The following LRRC7 variants were observed in gnomAD, a reference collection of about 807,000 sequenced individuals.
LRRC7 encodes leucine-rich repeat-containing protein 7.
A neutral mutation model predicts 175.7 loss-of-function variants in LRRC7; 23 were observed. That is an observed-to-expected ratio of 0.13 (90% CI 0.09 to 0.19). The LOEUF is 0.19. Among genes scored for constraint, LRRC7 ranks in the 10% least tolerant of loss-of-function variants. The pLI, the probability that LRRC7 is intolerant of heterozygous loss-of-function variation, is 1.00. For missense variants in LRRC7, 1,354 were observed against 1,904.7 expected (o/e 0.71, Z 5.38); for synonymous variants, 685 against 680.9 (o/e 1.01, Z -0.09).
Position 69,910,533 on chromosome 1 carries a change from A to C in LRRC7, c.648-20974A>C, listed in dbSNP as rs115875906. 4.8e-3 allele frequency among the ~76,000 whole-genome samples: 731 copies of C among 152,264 alleles called. 10 individuals carry two copies. Among genetic ancestry groups the C allele is most frequent in the African/African-American group, 0.016 (676 of 41,556 alleles). On this transcript the variant is annotated intron_variant, in intron 7 of 26. Coordinates refer to ENST00000651989, the MANE Select transcript of LRRC7 (RefSeq NM_001370785.2). ...GAACAGCAGACCTTGGTGAACCACA[A>C]ATTCTGCTGCCTGATTGTTCCTCTG...
chr1:69,616,642 A>G (rs1245311190), intron 1 of LRRC7, among the ~76,000 whole-genome samples: 1 of 152,114 alleles, frequency 6.6e-6, no homozygotes, highest in Non-Finnish European at 1.5e-5. Flanking sequence ...GACTACTATT[A>G]GAAAATAAGT....
intron 11 of LRRC7, among the ~76,000 whole-genome samples, chr1:70,010,231 A>C (rs188848352): frequency 6.6e-6 from 1 of 152,332 alleles, no homozygotes; most frequent in East Asian, 1.9e-4. Flanking sequence ...TTAAATAAAT[A>C]ATGGAAGCAA....
chr1:69,996,217 G>A (rs972017271), intron 11 of LRRC7, among the ~76,000 whole-genome samples: 3 of 152,034 alleles, frequency 2.0e-5, no homozygotes, highest in African/African-American at 7.3e-5. Context: ...AGAAGTGTCT[G>A]TTCATGTCCT....
intron 3 of LRRC7, among the ~76,000 whole-genome samples, chr1:69,786,643 G>A (rs1196058116): frequency 6.6e-6 from 1 of 152,118 alleles, no homozygotes; most frequent in Non-Finnish European, 1.5e-5. Flanking sequence ...TGGCAGACAA[G>A]AGAAGAGCTT....
chr1:69,750,696 CTTA>C (rs981854215), intron 2 of LRRC7, among the ~76,000 whole-genome samples: 2 of 152,182 alleles, frequency 1.3e-5, no homozygotes, highest in Non-Finnish European at 2.9e-5. Flanking sequence ...AAGATGATGT[CTTA>C]TTGCTGCATC....
Position 70,143,449 on chromosome 1 carries a change from A to C in LRRC7, c.*21562A>C, listed in dbSNP as rs1667163590. On this transcript the variant is annotated 3_prime_UTR_variant, in exon 27 of 27. Transcript: ENST00000651989. ...TTTTAATGTGCAATAGTAAACATTG[A>C]CATTTTACATAGACATATTGTATAT... 6.6e-6 allele frequency: 1 copy of C among 152,280 alleles called. No individual in the cohort carries two copies. The highest frequency in any genetic ancestry group is 2.4e-5 in the African/African-American group (1 of 41,570). 9.4% of individuals were successfully genotyped at this position (152,280 alleles called of 1,614,324 possible).
At chr1:69,613,198 G>A (rs1649074480) in intron 1 of LRRC7, among the ~76,000 whole-genome samples, 1 of 152,072 alleles carries the variant, frequency 6.6e-6, no homozygotes, top group Non-Finnish European at 1.5e-5. Context: ...AGCAGATCCT[G>A]TGTCTAGTGA....
intron 26 of LRRC7, 59 bp downstream of exon 26, chr1:70,107,885 T>G (rs1571343702): frequency 7.6e-7 from 1 of 1,313,986 alleles, no homozygotes; most frequent in Non-Finnish European, 1.1e-6. Flanking sequence ...TGTAACCATG[T>G]TACCAAGTTA....
intron 7 of LRRC7, among the ~76,000 whole-genome samples, chr1:69,853,750 G>A (rs766922103): frequency 5.9e-5 from 9 of 152,140 alleles, no homozygotes; most frequent in Non-Finnish European, 1.2e-4. Context: ...AGCTGATTTA[G>A]GGAAGCAGAC....
At chr1:69,644,763 C>T (rs1477822859) in intron 1 of LRRC7, among the ~76,000 whole-genome samples, 1 of 151,814 alleles carries the variant, frequency 6.6e-6, no homozygotes, top group Non-Finnish European at 1.5e-5. Flanking sequence ...CAAATTTAAT[C>T]TACCAATATA....
chr1:70,134,633 A>C lies in LRRC7; in HGVS notation c.*12746A>C, dbSNP rs1164633818. Among the ~76,000 whole-genome samples, 1 of 152,218 alleles carries C rather than the reference A, an allele frequency of 6.6e-6. No homozygotes were observed. Among genetic ancestry groups the C allele is most frequent in the Non-Finnish European group, 1.5e-5 (1 of 68,030 alleles). On this transcript the variant is annotated 3_prime_UTR_variant, in exon 27 of 27. Coordinates refer to ENST00000651989, the MANE Select transcript of LRRC7 (RefSeq NM_001370785.2). ...CCTCTGGTGTTTTCCTCCAAAAAAA[A>C]CAATTTCCTTCTAGCCACATGATCA...
chr1:69,946,224 A>G (rs926126513), intron 8 of LRRC7, among the ~76,000 whole-genome samples: 1 of 152,172 alleles, frequency 6.6e-6, no homozygotes, highest in African/African-American at 2.4e-5. Flanking sequence ...TGCATCTAAT[A>G]AGATGATCAG....
At chr1:69,827,082 A>C (rs1679999580) in intron 5 of LRRC7, among the ~76,000 whole-genome samples, 1 of 152,290 alleles carries the variant, frequency 6.6e-6, no homozygotes, top group South Asian at 2.1e-4. Flanking sequence ...AGGGAGGGAA[A>C]AAAAAGAGAA....
At chr1:69,577,479 C>A (rs1214988848) in intron 1 of LRRC7, among the ~76,000 whole-genome samples, 2 of 152,114 alleles carry the variant, frequency 1.3e-5, no homozygotes. Flanking sequence ...AATGGTATTG[C>A]CTAGGTTTTC....
intron 23 of LRRC7, among the ~76,000 whole-genome samples, chr1:70,061,961 A>G (rs1571212848): frequency 6.6e-6 from 1 of 152,156 alleles, no homozygotes; most frequent in African/African-American, 2.4e-5. Flanking sequence ...TGTCACACAA[A>G]CATCCTCCAA....
intron 1 of LRRC7, among the ~76,000 whole-genome samples, chr1:69,647,947 A>G (rs886912599): frequency 6.6e-6 from 1 of 152,188 alleles, no homozygotes; most frequent in African/African-American, 2.4e-5. Flanking sequence ...GATTCTTTGA[A>G]TAGATTTCTC....
intron 2 of LRRC7, among the ~76,000 whole-genome samples, chr1:69,683,248 C>G (rs1203344778): frequency 2.0e-5 from 3 of 152,138 alleles, no homozygotes; most frequent in Admixed American, 2.0e-4. Context: ...AATTTCAAGG[C>G]CTCTCAACTT....
chr1:69,912,046 G>A (rs1471938507), intron 7 of LRRC7, among the ~76,000 whole-genome samples: 2 of 152,120 alleles, frequency 1.3e-5, no homozygotes, highest in Non-Finnish European at 2.9e-5. Context: ...GCATACAGGA[G>A]GATGTGTGTA....
intron 7 of LRRC7, among the ~76,000 whole-genome samples, chr1:69,897,898 T>C (rs756404389): frequency 6.6e-6 from 1 of 152,212 alleles, no homozygotes; most frequent in Non-Finnish European, 1.5e-5. Context: ...GAAAGAGAGT[T>C]TCTATATTAC....
Sources: allele counts gnomAD v4.1 joint callset (sites outside exome capture counted in the v4.1 genomes callset), GRCh38; gene constraint gnomAD v4.1.1; transcripts MANE v1.5; gene names NCBI Gene and HGNC (gene_info 2026-07-23, HGNC 2026-07-21).